TET1: variants seen among roughly 807,000 people sequenced by gnomAD.
The protein encoded by TET1 is tet methylcytosine dioxygenase 1, also known as methylcytosine dioxygenase TET1.
Under a neutral mutation model 148.7 loss-of-function variants are expected in TET1, and 13 were observed. That is an observed-to-expected ratio of 0.09 (90% CI 0.06 to 0.14). TET1 has a LOEUF of 0.14. Ranked by LOEUF, TET1 falls within the 10% of genes least tolerant of loss-of-function variation. The probability of loss-of-function intolerance (pLI) is 1.00; values close to 1 mark genes in which losing one functional copy is unlikely to be tolerated. For synonymous variants in TET1, 907 were observed against 937.2 expected (o/e 0.97, Z 0.59); for missense variants, 2,182 against 2,553.8 (o/e 0.85, Z 3.14).
intron 2 of TET1, among the ~76,000 whole-genome samples, chr10:68,597,030 A>ATTTTTTTGTTTTTTTTTTTTTTT (rs2053996427): frequency 1.0e-5 from 1 of 98,894 alleles, no homozygotes; most frequent in African/African-American, 4.4e-5. Context: ...CAGCTAATGG[A>ATTTTTTTGTTTTTTTTTTTTTTT]TTTTTTTTTT....
intron 3 of TET1, among the ~76,000 whole-genome samples, chr10:68,618,108 T>A (rs570982159): frequency 7.9e-5 from 12 of 152,160 alleles, no homozygotes; most frequent in African/African-American, 2.9e-4. Flanking sequence ...ATAGCAATGG[T>A]ACCTCTTGAG....
At chr10:68,603,986 A>G (rs1045201609) in intron 3 of TET1, among the ~76,000 whole-genome samples, 1 of 152,142 alleles carries the variant, frequency 6.6e-6, no homozygotes, top group Non-Finnish European at 1.5e-5. Flanking sequence ...TCAACTTCCT[A>G]TTCAAGCCTA....
rs781620810 is a variant in TET1, at chr10:68,572,949, C to G, written c.611C>G (p.Pro204Arg). 6.2e-7 allele frequency: 1 copy of G among 1,613,998 alleles called. No individual in the cohort carries two copies. The stretch of plus-strand genomic sequence containing the variant: ...GTTGAGGATTCCAAGATCAATATCC[C>G]TACCCACAGTGGCCCTGCAGCTGAG... ...QRVEDSKINIPTHSGPAAEIL... is the reference protein window; with the variant it reads ...QRVEDSKINIRTHSGPAAEIL... Residue 204 changes from proline to arginine, a missense_variant, in exon 2 of 12, where the codon CCT becomes CGT. This residue lies in a region of TET1 where 665 missense variants were observed against 672.4 expected (regional missense o/e 0.99). Coordinates refer to ENST00000373644, the MANE Select transcript of TET1 (RefSeq NM_030625.3).
chr10:68,628,864 G>A (rs780282397), intron 3 of TET1, among the ~76,000 whole-genome samples: 1 of 152,178 alleles, frequency 6.6e-6, no homozygotes, highest in Non-Finnish European at 1.5e-5. Flanking sequence ...GCAGAATGCA[G>A]CCTGAAGGAA....
chr10:68,641,395 C>T (rs556336154), intron 3 of TET1, among the ~76,000 whole-genome samples: 63 of 152,154 alleles, frequency 4.1e-4, no homozygotes, highest in African/African-American at 1.3e-3. Flanking sequence ...TTTTGAATTT[C>T]TATGTTTGTG....
intron 6 of TET1, among the ~76,000 whole-genome samples, chr10:68,655,366 GA>G (rs1219449313): frequency 6.6e-6 from 1 of 152,088 alleles, no homozygotes; most frequent in African/African-American, 2.4e-5. Flanking sequence ...TTGTATATTT[GA>G]AATAAATCAC....
rs546415176 is a variant in TET1, at chr10:68,657,058, G to A, written c.4461+4464G>A. On this transcript the variant is annotated intron_variant, in intron 6 of 11. Coordinates refer to ENST00000373644, the MANE Select transcript of TET1 (RefSeq NM_030625.3). ...AAAAAAAAATTTCCCATTTGGGTGC[G>A]GTGGCTCATTTCTGTATATCTGTAA... Among the ~76,000 whole-genome samples the A allele has an allele frequency of 6.0e-5, 9 of 150,360 alleles. No individual in the cohort carries two copies. In the South Asian group the frequency reaches 1.3e-3, roughly 21 times the overall value.
chr10:68,573,174 C>T lies in TET1; in HGVS notation c.836C>T (p.Ser279Phe). 3 of 1,614,138 alleles carry T rather than the reference C, an allele frequency of 1.9e-6. No individual in the cohort carries two copies. Among genetic ancestry groups the T allele is most frequent in the Non-Finnish European group, 2.5e-6 (3 of 1,180,028 alleles). Residue 279 changes from serine to phenylalanine, a missense_variant, in exon 2 of 12, where the codon TCT becomes TTT. Ser to Phe is a radical substitution (Grantham distance 155). Coordinates refer to ENST00000373644, the MANE Select transcript of TET1 (RefSeq NM_030625.3). ...QLEELGSRVE[S>F]LKLSDSYLDP... ...GAAGAGTTGGGTTCACGAGTAGAAT[C>T]TCTTAAGTTATCTGATTCTTACCTG...
chr10:68,647,476 C>T (rs1002478423), intron 4 of TET1, among the ~76,000 whole-genome samples: 2 of 152,058 alleles, frequency 1.3e-5, no homozygotes, highest in South Asian at 2.1e-4. Flanking sequence ...TGGTGGTGCA[C>T]GCCTGCAATC....
intron 2 of TET1, among the ~76,000 whole-genome samples, chr10:68,580,932 C>T (rs1426948098): frequency 2.0e-5 from 3 of 151,730 alleles, no homozygotes; most frequent in East Asian, 1.9e-4. Context: ...ATCTCTCCAC[C>T]GCACTCTAGC....
chr10:68,600,864 TTGA>T (rs1156275588), intron 2 of TET1, 114 bp from the exon 3 acceptor site: 1 of 784,314 alleles, frequency 1.3e-6, no homozygotes, highest in African/African-American at 1.8e-5. Context: ...AGCAAACATG[TTGA>T]TGATTTTAAA....
intron 3 of TET1, chr10:68,632,859 A>C: frequency 1.2e-6 from 1 of 829,296 alleles, no homozygotes; most frequent in East Asian, 2.7e-5. Context: ...AAAAGAAAGA[A>C]AACAAAATTG....
chr10:68,595,456 A>T (rs768123749), intron 2 of TET1, among the ~76,000 whole-genome samples: 54 of 151,842 alleles, frequency 3.6e-4, no homozygotes, highest in Non-Finnish European at 6.9e-4. Context: ...TTGGAAGAAA[A>T]TTCCTTGTAG....
chr10:68,640,266 A>T (rs1024087536), intron 3 of TET1, among the ~76,000 whole-genome samples: 11 of 138,334 alleles, frequency 8.0e-5, no homozygotes, highest in Non-Finnish European at 1.7e-4. Context: ...TCTACCTTAA[A>T]TTTTTTTTTT....
chr10:68,627,101 G>A (rs1238336573), intron 3 of TET1, among the ~76,000 whole-genome samples: 4 of 151,914 alleles, frequency 2.6e-5, no homozygotes, highest in Admixed American at 1.3e-4. Flanking sequence ...GTGAAACCCC[G>A]TCTGTATTAA....
rs200032372 is a variant in TET1, at chr10:68,631,175, C to CA, written c.1969-13517dup. 4.3e-3 allele frequency among the ~76,000 whole-genome samples: 659 copies of CA among 152,156 alleles called. 4 individuals carry two copies. Among genetic ancestry groups the CA allele is most frequent in the African/African-American group, 0.015 (616 of 41,506 alleles). On this transcript the variant is annotated intron_variant, in intron 3 of 11. Transcript: ENST00000373644. ...TAGGCAATAGTGCCAAACTTTGTCA[C>CA]AAAAAACAAAACAAAACAAAAGAAA...
chr10:68,654,486 G>A lies in TET1; in HGVS notation c.4461+1892G>A, dbSNP rs373301550. The stretch of plus-strand genomic sequence containing the variant: ...GAAAAAATTAGCCGGGCGTGGTGGC[G>A]CGAGCCTATAGTCCCAGCTACTCGG... On this transcript the variant is annotated intron_variant, in intron 6 of 11. Coordinates refer to ENST00000373644, the MANE Select transcript of TET1 (RefSeq NM_030625.3). Among the ~76,000 whole-genome samples the A allele has an allele frequency of 2.2e-4, 34 of 152,052 alleles. No individual in the cohort carries two copies. The East Asian group carries it at 2.9e-3, about 13-fold the overall frequency.
At chr10:68,648,894 T>A (rs2054889995) in intron 4 of TET1, among the ~76,000 whole-genome samples, 1 of 152,202 alleles carries the variant, frequency 6.6e-6, no homozygotes, top group Non-Finnish European at 1.5e-5. Flanking sequence ...ATTACAGACA[T>A]GAACCACCAC....
At chr10:68,612,699 G>A (rs2054234132) in intron 3 of TET1, among the ~76,000 whole-genome samples, 3 of 151,826 alleles carry the variant, frequency 2.0e-5, no homozygotes, top group African/African-American at 7.3e-5. Flanking sequence ...GCTCACTGTA[G>A]CCTCACCTCT....
Sources: allele counts gnomAD v4.1 joint callset (sites outside exome capture counted in the v4.1 genomes callset), GRCh38; gene constraint gnomAD v4.1.1; regional missense constraint gnomAD v4.1.1; transcripts MANE v1.5; gene names NCBI Gene and HGNC (gene_info 2026-07-23, HGNC 2026-07-21).